Variants in SLIT1 observed in about 807,000 individuals in gnomAD.
SLIT1 encodes the protein slit homolog 1 protein.
In SLIT1, 66 loss-of-function variants were observed where a neutral mutation model predicts 186.1. The observed-to-expected ratio is 0.35, with a 90% CI of 0.29 to 0.44. SLIT1 has a LOEUF of 0.44. SLIT1 is among the 20% of genes least tolerant of loss of function. The pLI is 1.00. For missense variants in SLIT1, 1,638 were observed against 2,037.4 expected (o/e 0.80, Z 3.77); for synonymous variants, 761 against 833.8 (o/e 0.91, Z 1.50).
Position 97,030,524 on chromosome 10 carries a change from A to G in SLIT1, c.2582+233T>C, listed in dbSNP as rs563534242. Among the ~76,000 whole-genome samples, 11 of 152,334 alleles carry G rather than the reference A, an allele frequency of 7.2e-5. No homozygotes were observed. The East Asian group carries it at 2.1e-3, about 29-fold the overall frequency. On this transcript the variant is annotated intron_variant, in intron 25 of 36. Transcript: ENST00000266058. ...AGGCGAAGTGCACAGCAATCGATCA[A>G]TGGTCATGACAACCTTCACTACCGC...
intron 1 of SLIT1, among the ~76,000 whole-genome samples, chr10:97,183,582 A>G (rs980981250): frequency 9.2e-5 from 14 of 152,218 alleles, no homozygotes; most frequent in Admixed American, 7.9e-4. Context: ...TATAGCTCCC[A>G]GAATGCCACC....
At chr10:97,085,266 G>A (rs926516743) in intron 4 of SLIT1, among the ~76,000 whole-genome samples, 3 of 151,890 alleles carry the variant, frequency 2.0e-5, no homozygotes, top group Non-Finnish European at 4.4e-5. Context: ...TGCCCTTGTG[G>A]ACAAGTAAGA....
At chr10:97,110,556 C>T (rs1433583038) in intron 4 of SLIT1, among the ~76,000 whole-genome samples, 1 of 152,150 alleles carries the variant, frequency 6.6e-6, no homozygotes, top group Non-Finnish European at 1.5e-5. Context: ...AAAATAAAAC[C>T]AGCCTCTTAC....
At chr10:97,086,904 C>A (rs945742662) in intron 4 of SLIT1, among the ~76,000 whole-genome samples, 6 of 152,084 alleles carry the variant, frequency 3.9e-5, no homozygotes, top group Admixed American at 1.3e-4. Context: ...AAACTACACA[C>A]TCTAGGTGAT....
intron 25 of SLIT1, among the ~76,000 whole-genome samples, chr10:97,023,159 C>G (rs1848516046): frequency 6.6e-6 from 1 of 151,430 alleles, no homozygotes; most frequent in East Asian, 1.9e-4. Context: ...TCCAGTGATT[C>G]TTGTACCTTA....
At chr10:97,027,106 C>G (rs1386292695) in intron 25 of SLIT1, among the ~76,000 whole-genome samples, 1 of 152,208 alleles carries the variant, frequency 6.6e-6, no homozygotes, top group East Asian at 1.9e-4. Flanking sequence ...AACATCAGCA[C>G]CTTCAGGAAC....
chr10:97,185,402 C>T, intron 1 of SLIT1, 76 bp downstream of exon 1: 1 of 1,449,300 alleles, frequency 6.9e-7, no homozygotes, highest in South Asian at 1.3e-5. Context: ...CCTGCCCCCA[C>T]CCCCAAGTCC....
chr10:97,015,394 T>C (rs1257596184), intron 28 of SLIT1, among the ~76,000 whole-genome samples: 1 of 152,178 alleles, frequency 6.6e-6, no homozygotes, highest in Non-Finnish European at 1.5e-5. Context: ...TGATAGAACA[T>C]TAAAAATAAT....
intron 4 of SLIT1, among the ~76,000 whole-genome samples, chr10:97,121,464 C>T (rs1366571671): frequency 6.6e-6 from 1 of 152,130 alleles, no homozygotes; most frequent in Admixed American, 6.5e-5. Flanking sequence ...GTGGAAGTGC[C>T]GTTCATACAG....
At chr10:97,087,766 T>C (rs1849181627) in intron 4 of SLIT1, among the ~76,000 whole-genome samples, 2 of 152,064 alleles carry the variant, frequency 1.3e-5, no homozygotes, top group African/African-American at 4.8e-5. Flanking sequence ...GAGCTCCAAC[T>C]CAGAGTTACC....
intron 25 of SLIT1, among the ~76,000 whole-genome samples, chr10:97,026,725 G>A (rs1317833187): frequency 1.3e-5 from 2 of 152,184 alleles, no homozygotes; most frequent in Non-Finnish European, 2.9e-5. Context: ...GTAGATATTT[G>A]CTGATGGCTG....
At chr10:97,102,483 C>A (rs533884236) in intron 4 of SLIT1, 1 of 150,880 alleles carries the variant, frequency 6.6e-6, no homozygotes, top group Non-Finnish European at 1.5e-5. Context: ...TGAGGCACTG[C>A]GGGGAGGCAC....
chr10:97,134,587 C>T (rs530508548), intron 4 of SLIT1, among the ~76,000 whole-genome samples: 2 of 152,282 alleles, frequency 1.3e-5, no homozygotes, highest in South Asian at 4.1e-4. Flanking sequence ...GCTGTGAGCG[C>T]CTCTTCATAG....
chr10:97,131,353 G>T (rs1273756559), intron 4 of SLIT1, among the ~76,000 whole-genome samples: 1 of 152,268 alleles, frequency 6.6e-6, no homozygotes, highest in Admixed American at 6.5e-5. Context: ...GGCGCTGACA[G>T]CCTCTGGTGG....
At chr10:97,139,541 T>TA (rs1322639543) in intron 4 of SLIT1, among the ~76,000 whole-genome samples, 4 of 152,016 alleles carry the variant, frequency 2.6e-5, no homozygotes, top group Non-Finnish European at 5.9e-5. Context: ...ACAGACAGGG[T>TA]ACCAAAACCC....
chr10:97,119,708 G>A (rs956712069), intron 4 of SLIT1, among the ~76,000 whole-genome samples: 4 of 151,320 alleles, frequency 2.6e-5, no homozygotes, highest in African/African-American at 9.7e-5. Context: ...GAGGGTCCCG[G>A]TGGACGCCCA....
intron 8 of SLIT1, among the ~76,000 whole-genome samples, chr10:97,062,536 G>A (rs985417319): frequency 2.0e-5 from 3 of 152,248 alleles, no homozygotes; most frequent in South Asian, 2.1e-4. Context: ...AACACAATGC[G>A]GGACCTCATG....
At chr10:97,094,390 A>G (rs1245535875) in intron 4 of SLIT1, among the ~76,000 whole-genome samples, 1 of 152,238 alleles carries the variant, frequency 6.6e-6, no homozygotes, top group African/African-American at 2.4e-5. Context: ...TGGGCAGTGC[A>G]CATCCTGAGC....
In SLIT1 at chr10:97,030,722, C is replaced by G. The variant is rs759930745; in HGVS notation, c.2582+35G>C. ...TCAGAAACCAAGTCCTGTTGAAATC[C>G]AAAGAGGCCCAGAGAAAGGGGCTAG... On this transcript the variant is annotated intron_variant, in intron 25 of 36. Transcript: ENST00000266058. 6 of 1,557,612 alleles carry G rather than the reference C, an allele frequency of 3.9e-6. No homozygotes were observed. The African/African-American group carries it at 8.2e-5, about 21-fold the overall frequency.
Sources: gnomAD v4.1 joint callset for allele counts (sites outside exome capture counted in the v4.1 genomes callset) on GRCh38, gnomAD v4.1.1 for gene constraint, MANE v1.5 for transcripts, NCBI Gene and HGNC (gene_info 2026-07-23, HGNC 2026-07-21) for gene names.